The following ZNF721 variants were observed in gnomAD, a reference collection of about 807,000 sequenced individuals.
ZNF721 encodes the protein zinc finger protein 721.
A neutral mutation model predicts 2.4 loss-of-function variants in ZNF721; 2 were observed. That is an observed-to-expected ratio of 0.82 (90% CI 0.34 to 2.58). The LOEUF is 2.58. Among genes scored for constraint, ZNF721 ranks in the 30% most tolerant of loss-of-function variants. The pLI, the probability that ZNF721 is intolerant of heterozygous loss-of-function variation, is 0.11. For synonymous variants in ZNF721, 398 were observed against 381.8 expected (o/e 1.04, Z -0.50); for missense variants, 1,187 against 1,085.5 (o/e 1.09, Z -1.31).
Position 441,827 on chromosome 4 carries a change from A to C in ZNF721, c.2640T>G (p.Leu880=). ...CAGTATGAATTTTCTTATGCGCATA[A>C]AGATTTGCAGACTGTCTAAAGGTTT... is the stretch of plus-strand genomic sequence containing the variant. The part of the protein sequence containing the change: ...CGKTFRQSAN[L]YAHKKIHTGE... The change falls in exon 3 of 3, where the codon CTT becomes CTG. Residue 880 remains leucine, a synonymous_variant. Transcript: ENST00000511833. 1 of 1,614,012 alleles carries C rather than the reference A, an allele frequency of 6.2e-7. No individual in the cohort carries two copies. Among genetic ancestry groups the C allele is most frequent in the Non-Finnish European group, 8.5e-7 (1 of 1,179,992 alleles).
intron 2 of ZNF721, among the ~76,000 whole-genome samples, chr4:454,388 C>T (rs1411949477): frequency 6.6e-6 from 1 of 152,224 alleles, no homozygotes; most frequent in East Asian, 1.9e-4. Context: ...GATAGTAGCA[C>T]TGGACTTATG....
chr4:453,703 C>A (rs1230456258), intron 2 of ZNF721: 1 of 152,238 alleles, frequency 6.6e-6, no homozygotes, highest in Non-Finnish European at 1.5e-5. Context: ...CTGCCAGAGG[C>A]CGCCAGGAAT....
At chr4:460,501 A>C (rs1207634309) in intron 2 of ZNF721, among the ~76,000 whole-genome samples, 1 of 152,146 alleles carries the variant, frequency 6.6e-6, no homozygotes, top group African/African-American at 2.4e-5. Context: ...CCTAAAATTG[A>C]CACCTTATCA....
chr4:472,696 G>A lies in ZNF721; in HGVS notation c.-88C>T, dbSNP rs781866056. ...CTATGGCCACATCCCTGAATGTTAA[G>A]GGTTCCTGAAAATACATATGTATCA... On this transcript the variant is annotated 5_prime_UTR_variant, in exon 2 of 3. Coordinates refer to ENST00000511833, the MANE Select transcript of ZNF721 (RefSeq NM_133474.4). The A allele has an allele frequency of 6.2e-7, 1 of 1,612,090 alleles. No individual in the cohort carries two copies. The highest frequency in any genetic ancestry group is 8.5e-7 in the Non-Finnish European group (1 of 1,179,636).
intron 1 of ZNF721, among the ~76,000 whole-genome samples, chr4:479,064 G>T (rs1715708781): frequency 6.6e-6 from 1 of 152,128 alleles, no homozygotes; most frequent in Non-Finnish European, 1.5e-5. Context: ...ACCGCGCCCG[G>T]CCCAAGTTAA....
chr4:487,928 T>C (rs571619882), intron 1 of ZNF721, among the ~76,000 whole-genome samples: 1 of 152,290 alleles, frequency 6.6e-6, no homozygotes, highest in South Asian at 2.1e-4. Flanking sequence ...TTGTACCAGT[T>C]CTCTGATAGA....
intron 1 of ZNF721, among the ~76,000 whole-genome samples, chr4:492,855 TG>T (rs1313806476): frequency 6.6e-6 from 1 of 151,526 alleles, no homozygotes; most frequent in African/African-American, 2.4e-5. Context: ...TCTTATTTCA[TG>T]GTTCTTTTAC....
rs782301827 is a variant in ZNF721, at chr4:441,656, AGAATGCTGTAGTAT to A, written c.*25_*38del. 2 of 1,508,486 alleles carry A rather than the reference AGAATGCTGTAGTAT, an allele frequency of 1.3e-6. No homozygotes were observed. Among genetic ancestry groups the A allele is most frequent in the Admixed American group, 4.3e-5 (2 of 46,334 alleles). 93.4% of individuals were successfully genotyped at this position (1,508,486 alleles called of 1,614,324 possible). A position where few individuals can be genotyped will look rare whatever the true frequency, so the allele number is the denominator to read the frequency against. On this transcript the variant is annotated 3_prime_UTR_variant, in exon 3 of 3. Coordinates refer to ENST00000511833, the MANE Select transcript of ZNF721 (RefSeq NM_133474.4). ...CCTGGTATGAGTTCTCTTATGTTTA[AGAATGCTGTAGTAT>A]GACTTAAAGGCTTTGCCACATTCTT...
intron 1 of ZNF721, among the ~76,000 whole-genome samples, chr4:493,171 T>TAAAA (rs79248295): frequency 7.6e-6 from 1 of 131,874 alleles, no homozygotes; most frequent in African/African-American, 2.8e-5. Flanking sequence ...ACTGAGACAG[T>TAAAA]AAAAAAAAAA....
intron 1 of ZNF721, among the ~76,000 whole-genome samples, chr4:496,512 C>T (rs1006041155): frequency 6.6e-6 from 1 of 151,900 alleles, no homozygotes; most frequent in Non-Finnish European, 1.5e-5. Context: ...GAGAATGCCC[C>T]GAAAAGCTGA....
chr4:460,230 T>A (rs1321968322), intron 2 of ZNF721, among the ~76,000 whole-genome samples: 3 of 151,896 alleles, frequency 2.0e-5, no homozygotes, highest in Non-Finnish European at 4.4e-5. Context: ...AGAAAGAAAA[T>A]TATAACAGTC....
rs1428572247 is a variant in ZNF721 at position 440,934 on chromosome 4, G to C, written c.*761C>G. On this transcript the variant is annotated 3_prime_UTR_variant, in exon 3 of 3. Coordinates refer to ENST00000511833, the MANE Select transcript of ZNF721 (RefSeq NM_133474.4). ...ACCCTCCTTGGCCTCCCAAAGTGTT[G>C]GGATTACAGGCGTGAGCCACCGCGC... is the stretch of plus-strand genomic sequence containing the variant. 1 of 152,308 alleles carries C rather than the reference G, an allele frequency of 6.6e-6. No individual in the cohort carries two copies. Among genetic ancestry groups the C allele is most frequent in the Admixed American group, 6.5e-5 (1 of 15,282 alleles). The allele number at this position is 152,308 out of a possible 1,614,324, so 9.4% of individuals were successfully genotyped here.
chr4:443,754 T>C lies in ZNF721; in HGVS notation c.713A>G (p.Lys238Arg), dbSNP rs200530483. The C allele has an allele frequency of 2.5e-6, 4 of 1,613,984 alleles. No individual in the cohort carries two copies. The South Asian group carries it at 4.4e-5, about 18-fold the overall frequency. ...KAFMHSSHLNKHEKIHTGEKP... is the reference protein window; with the variant it reads ...KAFMHSSHLNRHEKIHTGEKP... ...CTCTCCAGTATGAATTTTCTCATGT[T>C]TATTCAGGTGTGAGGAATGCATAAA... Residue 238 changes from lysine to arginine, a missense_variant, in exon 3 of 3, where the codon AAA becomes AGA. Transcript: ENST00000511833.
At chr4:463,484 T>C (rs1026764047) in intron 2 of ZNF721, among the ~76,000 whole-genome samples, 1 of 152,156 alleles carries the variant, frequency 6.6e-6, no homozygotes, top group Admixed American at 6.5e-5. Context: ...CTGTTTACAG[T>C]AGCAAAGATT....
intron 2 of ZNF721, among the ~76,000 whole-genome samples, chr4:462,202 T>G (rs1312427638): frequency 1.3e-5 from 2 of 152,114 alleles, no homozygotes; most frequent in Non-Finnish European, 2.9e-5. Context: ...TTACAAGGGA[T>G]GTAAAAGACC....
intron 1 of ZNF721, among the ~76,000 whole-genome samples, chr4:482,144 G>C (rs1195559059): frequency 1.3e-5 from 2 of 152,140 alleles, no homozygotes; most frequent in Non-Finnish European, 2.9e-5. Flanking sequence ...CATGCATTTT[G>C]ATTTGTTATT....
chr4:447,416 T>TA (rs2108691309), intron 2 of ZNF721, among the ~76,000 whole-genome samples: 1 of 152,006 alleles, frequency 6.6e-6, no homozygotes, highest in African/African-American at 2.4e-5. Flanking sequence ...TCTCTATAGA[T>TA]ACGCCAAAAA....
chr4:463,798 C>T (rs750187897), intron 2 of ZNF721, among the ~76,000 whole-genome samples: 6 of 152,134 alleles, frequency 3.9e-5, no homozygotes, highest in Middle Eastern at 3.4e-3. Context: ...AGGAGAAATA[C>T]CTAATGTAGA....
At chr4:489,672 C>T (rs1553871194) in intron 1 of ZNF721, among the ~76,000 whole-genome samples, 1 of 152,188 alleles carries the variant, frequency 6.6e-6, no homozygotes, top group Non-Finnish European at 1.5e-5. Flanking sequence ...GGTCAGAGCC[C>T]TCATGGCTGC....
Sources: allele counts gnomAD v4.1 joint callset (sites outside exome capture counted in the v4.1 genomes callset), GRCh38; gene constraint gnomAD v4.1.1; transcripts MANE v1.5; gene names NCBI Gene and HGNC (gene_info 2026-07-23, HGNC 2026-07-21).